Variants in DPY19L4 observed in about 807,000 individuals in gnomAD.
The protein encoded by DPY19L4 is probable C-mannosyltransferase DPY19L4.
DPY19L4 carries 97 observed loss-of-function variants against 102.8 expected under a neutral mutation model. That is an observed-to-expected ratio of 0.94 (90% CI 0.80 to 1.12). DPY19L4 has a LOEUF of 1.12. Among genes scored for constraint, DPY19L4 ranks in the 50% most tolerant of loss-of-function variants. The pLI is 0.00. For missense variants in DPY19L4, 815 were observed against 850.4 expected, an observed-to-expected ratio of 0.96 and a Z score of 0.52; for synonymous variants, 252 against 283.1, an observed-to-expected ratio of 0.89 and a Z score of 1.10.
chr8:94,779,231 A>AAG (rs879478341), intron 14 of DPY19L4, among the ~76,000 whole-genome samples: 1 of 150,652 alleles, frequency 6.6e-6, no homozygotes, highest in Non-Finnish European at 1.5e-5. Context: ...AAAAAAAAAA[A>AAG]CCAAGGCTTT....
chr8:94,764,713 ATATATTTTTTTTTT>A (rs1812578210), intron 8 of DPY19L4, among the ~76,000 whole-genome samples: 1 of 58,394 alleles, frequency 1.7e-5, no homozygotes, highest in African/African-American at 9.0e-5. Flanking sequence ...ATATATATAT[ATATATTTTTTTTTT>A]TTTTTTTTTT....
At chr8:94,781,015 C>T (rs951378124) in intron 15 of DPY19L4, 69 bp from the exon 16 acceptor site, 1 of 1,292,978 alleles carries the variant, frequency 7.7e-7, no homozygotes. Flanking sequence ...TACTGTGGAA[C>T]AGTTTTAAAC....
chr8:94,756,403 T>C (rs1006252194), intron 7 of DPY19L4, among the ~76,000 whole-genome samples: 1 of 152,226 alleles, frequency 6.6e-6, no homozygotes, highest in African/African-American at 2.4e-5. Context: ...TTGACAAATA[T>C]ATGAAACATA....
intron 8 of DPY19L4, among the ~76,000 whole-genome samples, chr8:94,762,086 C>G (rs1331921055): frequency 5.3e-5 from 8 of 152,156 alleles, no homozygotes; most frequent in Admixed American, 5.2e-4. Flanking sequence ...CAGTTAACTG[C>G]TAGGGAAAAA....
chr8:94,760,161 G>C (rs183794526), intron 7 of DPY19L4, among the ~76,000 whole-genome samples: 158 of 152,302 alleles, frequency 1.0e-3, no homozygotes, highest in African/African-American at 3.2e-3. Context: ...CATTTTTACT[G>C]TATGCTCTTA....
intron 3 of DPY19L4, among the ~76,000 whole-genome samples, chr8:94,737,276 C>T (rs929010700): frequency 6.6e-6 from 1 of 151,940 alleles, no homozygotes; most frequent in Non-Finnish European, 1.5e-5. Context: ...ACCTGTGCCG[C>T]CTGGGTTCAA....
chr8:94,777,294 T>TC (rs1813228899), intron 13 of DPY19L4, among the ~76,000 whole-genome samples: 1 of 152,026 alleles, frequency 6.6e-6, no homozygotes, highest in Non-Finnish European at 1.5e-5. Context: ...CCCAAACTCC[T>TC]GGCCTCAAGT....
intron 6 of DPY19L4, among the ~76,000 whole-genome samples, chr8:94,740,819 T>A (rs147368431): frequency 1.2e-3 from 184 of 152,282 alleles, no homozygotes; most frequent in African/African-American, 4.2e-3. Context: ...TTTCTATAAC[T>A]TTTTATCTTA....
intron 16 of DPY19L4, among the ~76,000 whole-genome samples, chr8:94,782,321 G>A (rs775529212): frequency 1.3e-5 from 2 of 152,136 alleles, no homozygotes; most frequent in Admixed American, 6.6e-5. Flanking sequence ...ACTTGGGCTT[G>A]TTTACAAGGT....
At position 94,763,254 on chromosome 8, in the gene DPY19L4, C is replaced by CTT. The variant is rs374208413; in HGVS notation, c.870+1441_870+1442dup. On this transcript the variant is annotated intron_variant, in intron 8 of 18. Coordinates refer to ENST00000414645, the MANE Select transcript of DPY19L4 (RefSeq NM_181787.3). ...GAGCCACCGCACCTGGCCAAGGTAT[C>CTT]TTTTTTTTTTTTTTTTTTTTTTAAA... Among the ~76,000 whole-genome samples the CTT allele has an allele frequency of 7.5e-4, 79 of 104,892 alleles. 1 individual carries two copies. The highest frequency in any genetic ancestry group is 6.1e-3 in the Middle Eastern group (1 of 164). 68.8% of individuals were successfully genotyped at this position (104,892 alleles called of 152,430 possible).
chr8:94,789,699 A>T, intron 18 of DPY19L4, 47 bp from the exon 19 acceptor site: 1 of 1,482,562 alleles, frequency 6.7e-7, no homozygotes. Flanking sequence ...CATTTCTGCT[A>T]TAAGCTTAAT....
At chr8:94,758,402 G>A (rs1015779893) in intron 7 of DPY19L4, among the ~76,000 whole-genome samples, 1 of 152,042 alleles carries the variant, frequency 6.6e-6, no homozygotes, top group Non-Finnish European at 1.5e-5. Context: ...GTGGAAAGTG[G>A]GTGTATAGTC....
At chr8:94,770,911 C>T (rs1259246063) in intron 13 of DPY19L4, among the ~76,000 whole-genome samples, 1 of 146,892 alleles carries the variant, frequency 6.8e-6, no homozygotes, top group African/African-American at 2.6e-5. Flanking sequence ...AGAAAACCCA[C>T]AAAGATTGTC....
chr8:94,777,879 A>G (rs1813259147), intron 14 of DPY19L4, 93 bp downstream of exon 14: 2 of 1,372,396 alleles, frequency 1.5e-6, no homozygotes, highest in Non-Finnish European at 2.0e-6. Context: ...AAATAGCATG[A>G]GTAAATTACA....
chr8:94,728,487 G>A (rs557262309), intron 2 of DPY19L4, among the ~76,000 whole-genome samples: 1 of 152,154 alleles, frequency 6.6e-6, no homozygotes, highest in Non-Finnish European at 1.5e-5. Context: ...TCATCCTTAA[G>A]GGCTAAACAG....
chr8:94,766,559 G>A (rs1325601281), intron 10 of DPY19L4, 53 bp from the exon 11 acceptor site: 4 of 1,545,918 alleles, frequency 2.6e-6, no homozygotes, highest in Non-Finnish European at 3.5e-6. Context: ...GAAAGCATAT[G>A]TTTGTAAGCA....
At chr8:94,728,977 T>C (rs1399287733) in intron 2 of DPY19L4, among the ~76,000 whole-genome samples, 2 of 150,840 alleles carry the variant, frequency 1.3e-5, no homozygotes, top group Non-Finnish European at 2.9e-5. Flanking sequence ...GGTTAGGAGT[T>C]CAGGACCGTC....
chr8:94,762,924 A>C (rs2130879217), intron 8 of DPY19L4, among the ~76,000 whole-genome samples: 1 of 151,368 alleles, frequency 6.6e-6, no homozygotes, highest in East Asian at 1.9e-4. Flanking sequence ...CAGGGTAGCT[A>C]CTGTTCTGAC....
At chr8:94,759,739 G>C (rs1443315010) in intron 7 of DPY19L4, among the ~76,000 whole-genome samples, 1 of 151,388 alleles carries the variant, frequency 6.6e-6, no homozygotes, top group African/African-American at 2.4e-5. Flanking sequence ...CCGACCTCAG[G>C]TGATCCGCCC....
Sources: allele counts gnomAD v4.1 joint callset (sites outside exome capture counted in the v4.1 genomes callset), GRCh38; gene constraint gnomAD v4.1.1; transcripts MANE v1.5; gene names NCBI Gene and HGNC (gene_info 2026-07-23, HGNC 2026-07-21).